The following C2orf76 variants were observed in gnomAD, a reference collection of about 807,000 sequenced individuals.
C2orf76 encodes the protein chromosome 2 open reading frame 76.
C2orf76 carries 23 observed loss-of-function variants against 16.9 expected under a neutral mutation model. The observed-to-expected ratio is 1.36, with a 90% CI of 0.98 to 1.93. The LOEUF (loss-of-function observed/expected upper bound fraction) is 1.93, where lower values mean the gene tolerates loss of function less well. Ranked by LOEUF, C2orf76 falls within the 30% of genes most tolerant of loss-of-function variation. C2orf76 has a pLI of 0.00. For missense variants in C2orf76, 152 were observed against 152.6 expected (o/e 1.00, Z 0.02); for synonymous variants, 48 against 52.3 (o/e 0.92, Z 0.35).
chr2:119,311,722 A>G lies in C2orf76; in HGVS notation c.223-19T>C. On this transcript the variant is annotated intron_variant, in intron 4 of 5. Transcript: ENST00000334816. ...CATTTGTCTAAAAAAAAAAAAGAAA[A>G]TCTGCATTTTATCAGTACTTACATG... is the stretch of plus-strand genomic sequence containing the variant. 1 of 1,597,866 alleles carries G rather than the reference A, an allele frequency of 6.3e-7. No individual in the cohort carries two copies. The highest frequency in any genetic ancestry group is 8.5e-7 in the Non-Finnish European group (1 of 1,175,442).
At chr2:119,312,983 G>A (rs1202582286) in intron 4 of C2orf76, among the ~76,000 whole-genome samples, 3 of 149,956 alleles carry the variant, frequency 2.0e-5, no homozygotes, top group African/African-American at 7.4e-5. Flanking sequence ...AGCTGATATT[G>A]CACTACTGCG....
intron 1 of C2orf76, among the ~76,000 whole-genome samples, chr2:119,360,156 T>A (rs758788744): frequency 1.3e-5 from 2 of 152,200 alleles, no homozygotes; most frequent in Non-Finnish European, 2.9e-5. Context: ...TAGTTAGCAT[T>A]TTTTAGCAAT....
chr2:119,326,696 G>A (rs1304052825), intron 2 of C2orf76, among the ~76,000 whole-genome samples: 2 of 152,062 alleles, frequency 1.3e-5, no homozygotes, highest in African/African-American at 2.4e-5. Context: ...TCTGATCCAT[G>A]AACACAGTAT....
At chr2:119,340,294 G>A (rs1455701696) in intron 1 of C2orf76, 1 of 213,168 alleles carries the variant, frequency 4.7e-6, no homozygotes, top group Non-Finnish European at 9.3e-6. Flanking sequence ...CAGGACGGCC[G>A]AACACAAACA....
intron 1 of C2orf76, among the ~76,000 whole-genome samples, chr2:119,343,454 G>A (rs1680098326): frequency 7.0e-6 from 1 of 141,918 alleles, no homozygotes; most frequent in African/African-American, 2.7e-5. Context: ...CCATACACAC[G>A]CATATGCACA....
rs1491429127 is a variant in C2orf76, at chr2:119,314,015, T to TTTTTG, written c.223-2313_223-2312insCAAAA. 3.1e-3 allele frequency among the ~76,000 whole-genome samples: 97 copies of TTTTTG among 31,168 alleles called. 1 individual carries two copies. The highest frequency in any genetic ancestry group is 0.03 in the African/African-American group (94 of 3,114). 20.4% of individuals were successfully genotyped at this position (31,168 alleles called of 152,430 possible). A position where few individuals can be genotyped will look rare whatever the true frequency, so the allele number is the denominator to read the frequency against. On this transcript the variant is annotated intron_variant, in intron 4 of 5. Transcript: ENST00000334816. ...ATTTGTTCCTTGCTTTTCTCAGTGG[T>TTTTTG]TTTTTTTTTTTTTTTTTTTTTTACA... is the stretch of plus-strand genomic sequence containing the variant.
At chr2:119,297,940 T>G (rs1037953213), downstream of C2orf76, among the ~76,000 whole-genome samples, 3 of 152,128 alleles carry the variant, frequency 2.0e-5, no homozygotes, top group Non-Finnish European at 2.9e-5. Context: ...TTTTTCTGCT[T>G]CTTTTGATTT....
At chr2:119,305,530 T>C (rs1350747614) in intron 5 of C2orf76, among the ~76,000 whole-genome samples, 1 of 152,176 alleles carries the variant, frequency 6.6e-6, no homozygotes, top group African/African-American at 2.4e-5. Context: ...ACAGCCCCTG[T>C]TGTCTGGAAA....
chr2:119,301,076 AACACACACACACAC>A (rs57577702), downstream of C2orf76, among the ~76,000 whole-genome samples: 1 of 146,140 alleles, frequency 6.8e-6, no homozygotes, highest in Admixed American at 6.8e-5. Context: ...ACTTCTTAAA[AACACACACACACAC>A]ACACACACAC....
intron 1 of C2orf76, among the ~76,000 whole-genome samples, chr2:119,362,991 A>G (rs557826134): frequency 4.6e-5 from 7 of 152,136 alleles, no homozygotes; most frequent in Admixed American, 3.3e-4. Context: ...GCCTCCTCTC[A>G]CCAGTTATGA....
intron 1 of C2orf76, among the ~76,000 whole-genome samples, chr2:119,364,039 G>GAC (rs1553451432): frequency 4.5e-4 from 67 of 147,674 alleles, no homozygotes; most frequent in Middle Eastern, 3.4e-3. Context: ...GAGAGAGAGA[G>GAC]AGACAGACAG....
At chr2:119,293,177 C>T in the C2orf76 span, among the ~76,000 whole-genome samples, 11 of 152,250 alleles carry the variant, frequency 7.2e-5, no homozygotes, top group African/African-American at 2.4e-4. Flanking sequence ...TAGCAGAAGA[C>T]GGAACAGAAA....
the C2orf76 span, among the ~76,000 whole-genome samples, chr2:119,285,538 C>A: frequency 6.6e-6 from 1 of 152,170 alleles, no homozygotes; most frequent in Non-Finnish European, 1.5e-5. Flanking sequence ...TGTCGTATCC[C>A]ACCCCCAACA....
At chr2:119,287,426 GC>G in the C2orf76 span, among the ~76,000 whole-genome samples, 1 of 151,772 alleles carries the variant, frequency 6.6e-6, no homozygotes, top group East Asian at 1.9e-4. Context: ...CATACACACC[GC>G]CCGAGACCCT....
intron 3 of C2orf76, among the ~76,000 whole-genome samples, chr2:119,319,276 G>A (rs916056240): frequency 6.6e-6 from 1 of 152,166 alleles, no homozygotes; most frequent in African/African-American, 2.4e-5. Context: ...ATGTTTTGAA[G>A]AGAAGTTTTT....
intron 2 of C2orf76, among the ~76,000 whole-genome samples, chr2:119,328,006 T>C (rs1355659262): frequency 2.6e-5 from 4 of 151,964 alleles, no homozygotes; most frequent in African/African-American, 7.3e-5. Flanking sequence ...AGAGAATGAG[T>C]TGAAAAATAT....
chr2:119,311,199 G>A, intron 5 of C2orf76: 2 of 985,436 alleles, frequency 2.0e-6, no homozygotes, highest in Non-Finnish European at 2.4e-6. Flanking sequence ...TGGGCCCTGA[G>A]TGATTCGGAA....
At chr2:119,313,026 CA>C (rs536874855) in intron 4 of C2orf76, among the ~76,000 whole-genome samples, 12,797 of 93,540 alleles carry the variant, frequency 0.14, 570 homozygotes, top group East Asian at 0.21. Context: ...AGACTCCATT[CA>C]AAAAAAAAAA....
intron 5 of C2orf76, among the ~76,000 whole-genome samples, chr2:119,305,144 T>C (rs371193869): frequency 6.6e-6 from 1 of 152,250 alleles, no homozygotes; most frequent in East Asian, 1.9e-4. Flanking sequence ...TCCCTTCGTC[T>C]TACTATCAAA....
Sources: gnomAD v4.1 joint callset for allele counts (sites outside exome capture counted in the v4.1 genomes callset) on GRCh38, gnomAD v4.1.1 for gene constraint, MANE v1.5 for transcripts, NCBI Gene and HGNC (gene_info 2026-07-23, HGNC 2026-07-21) for gene names.